DLG2: variants seen among roughly 807,000 people sequenced by gnomAD.
DLG2 encodes disks large homolog 2.
In DLG2, 45 loss-of-function variants were observed where a neutral mutation model predicts 132.5. That is an observed-to-expected ratio of 0.34 (90% CI 0.27 to 0.44). The LOEUF is 0.44. Ranked by LOEUF, DLG2 falls within the 20% of genes least tolerant of loss-of-function variation. DLG2 has a pLI of 1.00. For missense variants in DLG2, 1,045 were observed against 1,196.9 expected, an observed-to-expected ratio of 0.87 and a Z score of 1.87; for synonymous variants, 424 against 419.6, an observed-to-expected ratio of 1.01 and a Z score of -0.13.
At chr11:84,650,448 A>G (rs2099680119) in intron 6 of DLG2, among the ~76,000 whole-genome samples, 1 of 152,152 alleles carries the variant, frequency 6.6e-6, no homozygotes, top group Admixed American at 6.5e-5. Context: ...TAATTACTGA[A>G]TTGAGATCAT....
intron 6 of DLG2, among the ~76,000 whole-genome samples, chr11:84,734,467 T>C (rs2063564546): frequency 6.6e-6 from 1 of 152,174 alleles, no homozygotes; most frequent in Non-Finnish European, 1.5e-5. Flanking sequence ...AGAATGCTTG[T>C]GATTTTTGCA....
chr11:85,303,281 A>G (rs1009698075), intron 3 of DLG2, among the ~76,000 whole-genome samples: 2 of 152,172 alleles, frequency 1.3e-5, no homozygotes, highest in East Asian at 3.8e-4. Flanking sequence ...ATGTTTTCCA[A>G]CCTTGGAATT....
At chr11:84,661,546 A>G (rs1015274940) in intron 6 of DLG2, among the ~76,000 whole-genome samples, 1 of 152,208 alleles carries the variant, frequency 6.6e-6, no homozygotes, top group African/African-American at 2.4e-5. Context: ...GTTAATTGCT[A>G]TTATGTGTAC....
intron 11 of DLG2, among the ~76,000 whole-genome samples, chr11:84,047,978 A>T (rs545627448): frequency 4.6e-5 from 7 of 151,718 alleles, no homozygotes; most frequent in Middle Eastern, 3.4e-3. Context: ...GTTTACAGAC[A>T]TCATTATGAA....
At chr11:84,093,843 G>C (rs546120895) in intron 10 of DLG2, among the ~76,000 whole-genome samples, 1 of 151,954 alleles carries the variant, frequency 6.6e-6, no homozygotes, top group Non-Finnish European at 1.5e-5. Context: ...TTGAACTCTT[G>C]ATCTCAAGTT....
chr11:84,510,671 G>GTTATTTTTTAAATGCTAA (rs1478593652), intron 7 of DLG2, among the ~76,000 whole-genome samples: 7 of 152,106 alleles, frequency 4.6e-5, no homozygotes, highest in African/African-American at 1.7e-4. Flanking sequence ...ATGCTAATTG[G>GTTATTTTTTAAATGCTAA]TTGTGTTATT....
chr11:84,095,437 C>T (rs2097152751), intron 10 of DLG2, among the ~76,000 whole-genome samples: 1 of 152,200 alleles, frequency 6.6e-6, no homozygotes, highest in African/African-American at 2.4e-5. Flanking sequence ...GAACCCACAT[C>T]TTTCCAGAGC....
At chr11:83,508,013 T>C (rs1303603427) in intron 21 of DLG2, among the ~76,000 whole-genome samples, 1 of 151,740 alleles carries the variant, frequency 6.6e-6, no homozygotes, top group African/African-American at 2.4e-5. Context: ...GACTGCTTTA[T>C]ATACTAGCCA....
chr11:85,042,262 C>G (rs1257277010), intron 6 of DLG2, among the ~76,000 whole-genome samples: 1 of 151,822 alleles, frequency 6.6e-6, no homozygotes, highest in Admixed American at 6.6e-5. Flanking sequence ...GCACTGAAAA[C>G]TATAAAAATA....
intron 19 of DLG2, among the ~76,000 whole-genome samples, chr11:83,563,259 G>A (rs2096646501): frequency 6.6e-6 from 1 of 152,156 alleles, no homozygotes; most frequent in Non-Finnish European, 1.5e-5. Flanking sequence ...TTACAGGCAT[G>A]AGCCACTGTG....
intron 7 of DLG2, among the ~76,000 whole-genome samples, chr11:84,361,342 G>C (rs1023964514): frequency 3.9e-5 from 6 of 151,914 alleles, no homozygotes; most frequent in Admixed American, 2.0e-4. Context: ...AGCCAGAAAA[G>C]AAAAAGCTTA....
Position 84,059,348 on chromosome 11 carries a change from C to G in DLG2, c.886G>C (p.Val296Leu). The change falls in exon 11 of 28, where the codon GTT becomes CTT. Residue 296 changes from valine (V) to leucine (L), a missense_variant. Physicochemically the swap from Val to Leu is conservative, Grantham distance 32. This residue lies in a region of DLG2 where 109 missense variants were observed against 159.1 expected (regional missense o/e 0.69). Coordinates refer to ENST00000376104, the MANE Select transcript of DLG2 (RefSeq NM_001142699.3). Reference protein sequence around the residue: ...VRRRRPILETVVEIKLFKGPK... With the variant: ...VRRRRPILETLVEIKLFKGPK... ...CCTTTGAACAGTTTGATTTCCACAACGGTCTCCAAAATAGGTCGTCTTCTA... is the reference window on the plus strand; with the variant it reads ...CCTTTGAACAGTTTGATTTCCACAAGGGTCTCCAAAATAGGTCGTCTTCTA... 1 of 1,613,634 alleles carries G rather than the reference C, an allele frequency of 6.2e-7. No individual in the cohort carries two copies. The highest frequency in any genetic ancestry group is 8.5e-7 in the Non-Finnish European group (1 of 1,179,798).
chr11:85,199,196 T>C (rs188879957), intron 4 of DLG2, among the ~76,000 whole-genome samples: 63 of 152,332 alleles, frequency 4.1e-4, no homozygotes, highest in African/African-American at 1.5e-3. Flanking sequence ...ATTTATATAA[T>C]GTAATACTAC....
At chr11:84,527,223 A>C (rs2099323963) in intron 7 of DLG2, among the ~76,000 whole-genome samples, 1 of 152,228 alleles carries the variant, frequency 6.6e-6, no homozygotes, top group Admixed American at 6.5e-5. Flanking sequence ...ATAGGATCTT[A>C]TGACCAGTCG....
chr11:84,231,884 A>C (rs2097098308), intron 8 of DLG2, among the ~76,000 whole-genome samples: 1 of 152,158 alleles, frequency 6.6e-6, no homozygotes. Flanking sequence ...ATGAAGAAGA[A>C]GATAGCACAG....
intron 3 of DLG2, among the ~76,000 whole-genome samples, chr11:85,440,658 C>G (rs1415093947): frequency 6.6e-6 from 1 of 152,162 alleles, no homozygotes; most frequent in Non-Finnish European, 1.5e-5. Flanking sequence ...GACAAAGTTG[C>G]TATAGTGATG....
chr11:84,513,601 A>G (rs1471812708), intron 7 of DLG2, among the ~76,000 whole-genome samples: 2 of 152,094 alleles, frequency 1.3e-5, no homozygotes, highest in Admixed American at 1.3e-4. Context: ...GATTTCTTCA[A>G]TAAAGGTGTT....
intron 21 of DLG2, among the ~76,000 whole-genome samples, chr11:83,508,339 C>G (rs560083507): frequency 6.6e-6 from 1 of 150,794 alleles, no homozygotes; most frequent in Non-Finnish European, 1.5e-5. Context: ...CGGGTTCACG[C>G]CATTCTTCTG....
At chr11:85,161,134 A>G (rs1286692642) in intron 4 of DLG2, among the ~76,000 whole-genome samples, 2 of 152,222 alleles carry the variant, frequency 1.3e-5, no homozygotes, top group African/African-American at 2.4e-5. Flanking sequence ...AACCGTGAAG[A>G]TATTTGTATC....
Sources: allele counts gnomAD v4.1 joint callset (sites outside exome capture counted in the v4.1 genomes callset), GRCh38; gene constraint gnomAD v4.1.1; regional missense constraint gnomAD v4.1.1; transcripts MANE v1.5; gene names NCBI Gene and HGNC (gene_info 2026-07-23, HGNC 2026-07-21).